The following DSCAML1 variants were observed in gnomAD, a reference collection of about 807,000 sequenced individuals.
The protein encoded by DSCAML1 is DS cell adhesion molecule like 1.
A neutral mutation model predicts 200.5 loss-of-function variants in DSCAML1; 38 were observed. The ratio of observed to expected loss-of-function variants is 0.19; its 90% CI spans 0.15 to 0.25. The LOEUF (loss-of-function observed/expected upper bound fraction) is 0.25, where lower values mean the gene tolerates loss of function less well. DSCAML1 is among the 10% of genes least tolerant of loss of function. DSCAML1 has a pLI of 1.00. For missense variants in DSCAML1, 2,223 were observed against 2,858.8 expected (o/e 0.78, Z 5.07); for synonymous variants, 1,215 against 1,165.0 (o/e 1.04, Z -0.87).
chr11:117,471,633 A>C (rs66991573), intron 15 of DSCAML1, among the ~76,000 whole-genome samples: 16,988 of 152,204 alleles, frequency 0.11, 1,144 homozygotes, highest in South Asian at 0.29. Flanking sequence ...GGGCCAGGGG[A>C]GTGGGGCAGA....
At chr11:117,671,104 C>T (rs1484473454) in intron 3 of DSCAML1, among the ~76,000 whole-genome samples, 1 of 152,242 alleles carries the variant, frequency 6.6e-6, no homozygotes, top group Non-Finnish European at 1.5e-5. Context: ...AGCACCAGCC[C>T]AGTCCACAGC....
At chr11:117,631,393 A>C (rs2052170347) in intron 3 of DSCAML1, among the ~76,000 whole-genome samples, 1 of 152,248 alleles carries the variant, frequency 6.6e-6, no homozygotes, top group Non-Finnish European at 1.5e-5. Flanking sequence ...ACTATTCCCC[A>C]GGAAGCCCAA....
intron 3 of DSCAML1, among the ~76,000 whole-genome samples, chr11:117,591,001 A>G (rs1404645803): frequency 1.3e-5 from 2 of 152,194 alleles, no homozygotes; most frequent in African/African-American, 4.8e-5. Flanking sequence ...GTGTAGACAC[A>G]TCTTGATAGT....
intron 21 of DSCAML1, among the ~76,000 whole-genome samples, chr11:117,443,016 G>A (rs1432905344): frequency 6.6e-6 from 1 of 152,214 alleles, no homozygotes; most frequent in Non-Finnish European, 1.5e-5. Context: ...GGTAGGGCTT[G>A]GGGCTCTTGT....
chr11:117,719,567 G>A (rs1175583410), intron 3 of DSCAML1, among the ~76,000 whole-genome samples: 2 of 152,256 alleles, frequency 1.3e-5, no homozygotes, highest in African/African-American at 2.4e-5. Flanking sequence ...CTAGTTAAGA[G>A]TTTGTAGATG....
At chr11:117,688,562 GGA>G (rs1365637247) in intron 3 of DSCAML1, among the ~76,000 whole-genome samples, 3 of 152,182 alleles carry the variant, frequency 2.0e-5, no homozygotes, top group Non-Finnish European at 4.4e-5. Flanking sequence ...GAAGAACACA[GGA>G]CCAGGAGGCA....
intron 3 of DSCAML1, among the ~76,000 whole-genome samples, chr11:117,759,475 AG>A (rs1200606292): frequency 6.6e-6 from 1 of 152,128 alleles, no homozygotes; most frequent in Non-Finnish European, 1.5e-5. Context: ...CAGGGCTGGA[AG>A]GCAAGCAGGG....
At chr11:117,453,416 T>G (rs2048316864) in intron 19 of DSCAML1, among the ~76,000 whole-genome samples, 1 of 152,232 alleles carries the variant, frequency 6.6e-6, no homozygotes, top group African/African-American at 2.4e-5. Context: ...CTCTGGTATT[T>G]CTCTAGGGCA....
chr11:117,721,958 C>G (rs2137797433), intron 3 of DSCAML1, among the ~76,000 whole-genome samples: 1 of 151,968 alleles, frequency 6.6e-6, no homozygotes, highest in Admixed American at 6.6e-5. Context: ...TTGTTCTTTA[C>G]CAAGTAATTT....
intron 1 of DSCAML1, among the ~76,000 whole-genome samples, chr11:117,816,798 T>TGGGGGG (rs1024946477): frequency 1.4e-4 from 14 of 100,174 alleles, no homozygotes; most frequent in South Asian, 1.2e-3. Context: ...TCGGAATTGC[T>TGGGGGG]GGGGGGGTGG....
At position 117,480,543 on chromosome 11, in the gene DSCAML1, G is replaced by C. The variant is rs776462433; in HGVS notation, c.2685C>G (p.Ile895Met). 38 of 1,577,490 alleles carry C rather than the reference G, an allele frequency of 2.4e-5. No individual in the cohort carries two copies. The highest frequency in any genetic ancestry group is 3.3e-5 in the Non-Finnish European group (38 of 1,160,948). The stretch of plus-strand genomic sequence containing the variant: ...TCATGCTCCGGGCCTTCACCTCCCG[G>C]ATCTCCAGCTCTGGGGGGTCGGGGG... ...QEPPDPPELE[I>M]REVKARSMNL... The change falls in exon 14 of 33, where the codon ATC becomes ATG. Residue 895 changes from isoleucine to methionine, a missense_variant. Ile to Met is a conservative substitution (Grantham distance 10, BLOSUM62 1). Transcript: ENST00000651296. This position sits in a 1 kb window ranked among gnomAD's most constrained non-coding sequence, Gnocchi z 4.1.
chr11:117,521,275 C>T lies in DSCAML1; in HGVS notation c.1068G>A (p.Leu356=), dbSNP rs748455687. 1.9e-6 allele frequency: 3 copies of T among 1,614,068 alleles called. No homozygotes were observed. The highest frequency in any genetic ancestry group is 2.7e-5 in the African/African-American group (2 of 74,958). Residue 356 remains leucine, a synonymous_variant, in exon 6 of 33, where the codon CTG becomes CTA. Transcript: ENST00000651296. ...CGCGGATGGAGATGGCCTCGTCAGG[C>T]AGCACCAGCTCCGTGTTGCGATACC... ...IRWYRNTELV[L]PDEAISIRGL... is the part of the protein sequence containing the mutation.
chr11:117,656,888 G>T (rs1005762737), intron 3 of DSCAML1, among the ~76,000 whole-genome samples: 3 of 152,220 alleles, frequency 2.0e-5, no homozygotes, highest in Non-Finnish European at 4.4e-5. Context: ...AGCTTACTAA[G>T]AGGTGGCAGT....
At position 117,471,877 on chromosome 11, in the gene DSCAML1, T is replaced by A. The variant is rs2048694215; in HGVS notation, c.2945A>T (p.Glu982Val). The change falls in exon 15 of 33, where the codon GAG (glutamate) becomes GTG (valine). Residue 982 changes from glutamate (E) to valine (V), a missense_variant. By Grantham distance (121) the Glu-to-Val change is moderately radical. Around this residue, in one of 7 missense-constraint regions of DSCAML1, gnomAD observed 438 missense variants for 629.7 expected, o/e 0.70. Transcript: ENST00000651296. ...EPSKELTIST[E>V]EAAPDGPPMD... is the part of the protein sequence containing the mutation. ...CTGGGTGAGGTGCTCACCGGCCTCCTCAGTGCTGATGGTGAGCTCCTTGCT... is the reference window on the plus strand; with the variant it reads ...CTGGGTGAGGTGCTCACCGGCCTCCACAGTGCTGATGGTGAGCTCCTTGCT... 1 of 1,563,506 alleles carries A rather than the reference T, an allele frequency of 6.4e-7. No individual in the cohort carries two copies. Among genetic ancestry groups the A allele is most frequent in the Non-Finnish European group, 8.7e-7 (1 of 1,155,154 alleles).
intron 11 of DSCAML1, among the ~76,000 whole-genome samples, chr11:117,491,411 C>G (rs1273117475): frequency 1.3e-5 from 2 of 152,210 alleles, no homozygotes; most frequent in Middle Eastern, 3.2e-3. Flanking sequence ...GGTCACATGG[C>G]TAGTAACTGG....
Position 117,428,513 on chromosome 11 carries a change from C to A in DSCAML1, c.5977G>T (p.Ala1993Ser). 1 of 1,451,016 alleles carries A rather than the reference C, an allele frequency of 6.9e-7. No homozygotes were observed. 89.9% of individuals were successfully genotyped at this position (1,451,016 alleles called of 1,614,324 possible). A position where few individuals can be genotyped will look rare whatever the true frequency, so the allele number is the denominator to read the frequency against. Residue 1993 changes from alanine (A) to serine (S), a missense_variant, in exon 33 of 33, where the codon GCT becomes TCT. This residue lies in a region of DSCAML1 where 280 missense variants were observed against 213.4 expected (regional missense o/e 1.31). Transcript: ENST00000651296. ...TAPPAPGPTP[A>S]EPPTAPSAAP... is the part of the protein sequence containing the mutation. ...GCGCTGGGGGCGGTGGGTGGCTCAG[C>A]AGGGGTGGGGCCGGGGGCTGGGGGG...
intron 3 of DSCAML1, among the ~76,000 whole-genome samples, chr11:117,559,793 G>C (rs1359444719): frequency 6.6e-6 from 1 of 152,120 alleles, no homozygotes; most frequent in Non-Finnish European, 1.5e-5. Flanking sequence ...TGTCTACAGA[G>C]AGACCCTCGC....
At chr11:117,525,143 G>C (rs1348120131) in intron 4 of DSCAML1, 60 bp from the exon 5 acceptor site, 2 of 1,466,828 alleles carry the variant, frequency 1.4e-6, no homozygotes, top group Non-Finnish European at 1.8e-6. Context: ...AGTGGCGCTG[G>C]GGGAGGGAAG....
chr11:117,795,717 G>C (rs908600953), intron 1 of DSCAML1, among the ~76,000 whole-genome samples: 14 of 152,144 alleles, frequency 9.2e-5, no homozygotes, highest in Non-Finnish European at 7.4e-5. Context: ...CTACAAATAA[G>C]GGTTATCCTC....
Sources: gnomAD v4.1 joint callset for allele counts (sites outside exome capture counted in the v4.1 genomes callset) on GRCh38, gnomAD v4.1.1 for gene constraint, gnomAD v4.1.1 regional missense constraint, Gnocchi (gnomAD v3.1) non-coding constraint, MANE v1.5 for transcripts, NCBI Gene and HGNC (gene_info 2026-07-23, HGNC 2026-07-21) for gene names.